Variants in SLC9A6 observed in about 807,000 individuals in gnomAD.
SLC9A6 encodes solute carrier family 9 member A6.
Under a neutral mutation model 45.3 loss-of-function variants are expected in SLC9A6, and 6 were observed. The observed-to-expected ratio is 0.13, with a 90% CI of 0.07 to 0.26. The LOEUF (loss-of-function observed/expected upper bound fraction) is 0.26. Among genes scored for constraint, SLC9A6 ranks in the 10% least tolerant of loss-of-function variants. The pLI is 1.00. For synonymous variants in SLC9A6, 191 were observed against 187.7 expected, an observed-to-expected ratio of 1.02 and a Z score of -0.14; for missense variants, 278 against 503.7, an observed-to-expected ratio of 0.55 and a Z score of 4.29.
chrX:136,002,642 A>G (rs2089599411), intron 7 of SLC9A6, among the ~76,000 whole-genome samples: 2 of 109,515 alleles, frequency 1.8e-5, no homozygotes, highest in South Asian at 3.9e-4. Context: ...GCTCAGTGCA[A>G]CCTCTGCCTC....
At chrX:135,998,453 TA>T in intron 4 of SLC9A6, 28 bp from the exon 5 acceptor site, 1 of 1,005,231 alleles carries the variant, frequency 9.9e-7, no homozygotes, top group Non-Finnish European at 1.3e-6. Flanking sequence ...GTAAGTATTC[TA>T]ACAGTGTAAC....
chrX:136,025,983 G>T (rs782102894), intron 13 of SLC9A6, among the ~76,000 whole-genome samples: 1 of 111,218 alleles, frequency 9.0e-6, no homozygotes. Flanking sequence ...TACCATCCCC[G>T]CAAAAAGAAA....
rs144569880 is a variant in SLC9A6 at position 136,021,827 on chromosome X, T to C, written c.1195-759T>C. ...CAAGTGTGAGCCACCATGTCTGGCC[T>C]TGTTCTGTTTTTAATCTTAGATTTT... On this transcript the variant is annotated intron_variant, in intron 11 of 17. Transcript: ENST00000630721. Among the ~76,000 whole-genome samples, 954 of 112,214 alleles carry C rather than the reference T, an allele frequency of 8.5e-3. 9 individuals are homozygous for C. Among genetic ancestry groups the C allele is most frequent in the African/African-American group, 0.03 (919 of 30,852 alleles).
intron 3 of SLC9A6, 33 bp from the exon 4 acceptor site, chrX:135,998,075 G>A: frequency 1.3e-6 from 1 of 747,047 alleles, no homozygotes; most frequent in Non-Finnish European, 2.1e-6. Context: ...GTCTTCTAGG[G>A]AATTGATCTA....
chrX:135,984,717 AG>A (rs2089306470), upstream of SLC9A6, among the ~76,000 whole-genome samples: 1 of 111,732 alleles, frequency 8.9e-6, no homozygotes, highest in Non-Finnish European at 1.9e-5. Flanking sequence ...AGCAGTAAAA[AG>A]GAGCAAGAGG....
rs1556616896 is a variant in SLC9A6 at position 135,998,468 on chromosome X, T to TC, written c.448-14_448-13insC. Reference sequence around the variant, plus strand: ...GTAAGTATTCTAACAGTGTAACTTTTTTTTTTTTGTCAGAGACATTTTTTT... The same window carrying TC: ...GTAAGTATTCTAACAGTGTAACTTTTCTTTTTTTTGTCAGAGACATTTTTTT... On this transcript the variant is annotated splice_polypyrimidine_tract_variant and intron_variant, in intron 4 of 17. Coordinates refer to ENST00000630721, the MANE Select transcript of SLC9A6 (RefSeq NM_001379110.1). 1 of 1,139,427 alleles carries TC rather than the reference T, an allele frequency of 8.8e-7. No homozygotes were observed. The highest frequency in any genetic ancestry group is 3.0e-5 in the East Asian group (1 of 32,882). The allele number at this position is 1,139,427 out of a possible 1,213,427, so 93.9% of individuals were successfully genotyped here.
chrX:135,997,134 G>A (rs968143507), intron 3 of SLC9A6, among the ~76,000 whole-genome samples: 32 of 110,003 alleles, frequency 2.9e-4, no homozygotes, highest in Non-Finnish European at 3.4e-4. Context: ...GCACAATCTC[G>A]GCTCCTCCGC....
chrX:135,998,373 A>T, intron 4 of SLC9A6, 109 bp from the exon 5 acceptor site: 1 of 596,693 alleles, frequency 1.7e-6, no homozygotes. Context: ...TGAATAATGC[A>T]TTTAATCCTA....
chrX:135,983,487 A>T (rs782116583), upstream of SLC9A6: 3 of 109,336 alleles, frequency 2.7e-5, no homozygotes, highest in Non-Finnish European at 5.7e-5. Context: ...GCAGTGCTGG[A>T]TGGAGAGAGA....
In SLC9A6 at chrX:136,010,561, C is replaced by T; in HGVS notation, c.863C>T (p.Ala288Val). ...IFSGSFAMGA[A>V]TGVVTALVTK... ...AGTGGATCTTTTGCAATGGGTGCTG[C>T]TACTGGAGTGGTGACAGCTTTAATA... Residue 288 changes from alanine to valine, a missense_variant, in exon 8 of 18, where the codon GCT becomes GTT. Physicochemically the swap from Ala to Val is moderately conservative, Grantham distance 64 (BLOSUM62 0). Coordinates refer to ENST00000630721, the MANE Select transcript of SLC9A6 (RefSeq NM_001379110.1). 1 of 1,210,154 alleles carries T rather than the reference C, an allele frequency of 8.3e-7. No homozygotes were observed. Among genetic ancestry groups the T allele is most frequent in the African/African-American group, 1.7e-5 (1 of 57,772 alleles).
chrX:135,991,335 G>A (rs782811575), intron 2 of SLC9A6, among the ~76,000 whole-genome samples: 1 of 107,398 alleles, frequency 9.3e-6, no homozygotes, highest in South Asian at 4.2e-4. Flanking sequence ...TCAACTCACT[G>A]CAACCTCCAC....
chrX:136,002,122 A>G lies in SLC9A6; in HGVS notation c.652A>G (p.Ile218Val), dbSNP rs782677140. The G allele has an allele frequency of 2.8e-5, 33 of 1,198,630 alleles. No individual in the cohort carries two copies. Among genetic ancestry groups the G allele is most frequent in the Non-Finnish European group, 3.6e-5 (32 of 885,116 alleles). The change falls in exon 7 of 18, where the codon ATA (isoleucine) becomes GTA (valine). Residue 218 changes from isoleucine to valine, a missense_variant. Ile to Val is a conservative substitution (Grantham distance 29, BLOSUM62 3). This residue lies in a region of SLC9A6 where 118 missense variants were observed against 209.9 expected (regional missense o/e 0.56). Transcript: ENST00000630721. ...TTACTTACTAGTGACTGTTCTTGCT[A>G]TATTCCACGAGCTTCAAGTTGATGT... Reference protein sequence around the residue: ...SATDPVTVLAIFHELQVDVEL... With the variant: ...SATDPVTVLAVFHELQVDVEL...
intron 13 of SLC9A6, among the ~76,000 whole-genome samples, chrX:136,028,031 A>G (rs1407610333): frequency 8.9e-6 from 1 of 112,219 alleles, no homozygotes; most frequent in African/African-American, 3.2e-5. Context: ...AGTAAATGAC[A>G]CAGCTAAGTG....
At chrX:136,039,764 G>A (rs1556622273) in intron 16 of SLC9A6, among the ~76,000 whole-genome samples, 2 of 112,015 alleles carry the variant, frequency 1.8e-5, no homozygotes, top group African/African-American at 6.5e-5. Flanking sequence ...ATGTGATGTA[G>A]TGGAAAGGGC....
At chrX:135,996,873 TCTC>T (rs1358008777) in intron 3 of SLC9A6, among the ~76,000 whole-genome samples, 1 of 108,666 alleles carries the variant, frequency 9.2e-6, no homozygotes, top group African/African-American at 3.4e-5. Flanking sequence ...TTCACGCCGT[TCTC>T]CTGCCTCAGC....
upstream of SLC9A6, among the ~76,000 whole-genome samples, chrX:135,982,623 G>A (rs1216978280): frequency 9.0e-6 from 1 of 110,559 alleles, no homozygotes; most frequent in African/African-American, 3.3e-5. Flanking sequence ...ACAGGCACGC[G>A]CCACCATGCC....
At chrX:135,977,337 G>A (rs782691644) in intron 1 of SLC9A6, among the ~76,000 whole-genome samples, 1 of 112,056 alleles carries the variant, frequency 8.9e-6, no homozygotes, top group East Asian at 2.8e-4. Flanking sequence ...GACTTATCAC[G>A]TTTCCCAGGC....
chrX:135,985,504 T>G lies in SLC9A6; in HGVS notation c.-57+27T>G, dbSNP rs1006154022. 1.6e-5 allele frequency: 17 copies of G among 1,095,444 alleles called. No homozygotes were observed. The highest frequency in any genetic ancestry group is 2.0e-5 in the Non-Finnish European group (17 of 843,471). The allele number at this position is 1,095,444 out of a possible 1,213,427, so 90.3% of individuals were successfully genotyped here. A position where few individuals can be genotyped will look rare whatever the true frequency, so the allele number is the denominator to read the frequency against. ...TAGGGGCGGGAGGCGGGGGGAGACA[T>G]GGCTCGGCGCGGCTGGCGGCGGGCA... On this transcript the variant is annotated intron_variant, in intron 1 of 17. Coordinates refer to ENST00000630721, the MANE Select transcript of SLC9A6 (RefSeq NM_001379110.1).
chrX:135,982,222 A>G (rs1483863700), upstream of SLC9A6, among the ~76,000 whole-genome samples: 1 of 110,882 alleles, frequency 9.0e-6, no homozygotes, highest in Non-Finnish European at 1.9e-5. Flanking sequence ...GGGAGTGCAG[A>G]GAATGCAGAC....
Sources: allele counts gnomAD v4.1 joint callset (sites outside exome capture counted in the v4.1 genomes callset), GRCh38; gene constraint gnomAD v4.1.1; regional missense constraint gnomAD v4.1.1; transcripts MANE v1.5; gene names NCBI Gene and HGNC (gene_info 2026-07-23, HGNC 2026-07-21).